Variants in ARHGEF12 observed in about 807,000 individuals in gnomAD.
ARHGEF12 encodes Rho guanine nucleotide exchange factor 12, also known as KMT2A/ARHGEF12 fusion protein.
In ARHGEF12, 66 loss-of-function variants were observed where a neutral mutation model predicts 211.2. The ratio of observed to expected loss-of-function variants is 0.31; its 90% CI spans 0.26 to 0.38. The LOEUF is 0.38. Among genes scored for constraint, ARHGEF12 ranks in the 10% least tolerant of loss-of-function variants. ARHGEF12 has a pLI of 1.00. For synonymous variants in ARHGEF12, 592 were observed against 638.4 expected, an observed-to-expected ratio of 0.93 and a Z score of 1.09; for missense variants, 1,429 against 1,869.5, an observed-to-expected ratio of 0.76 and a Z score of 4.34.
At chr11:120,432,512 T>G (rs1652217337) in intron 11 of ARHGEF12, among the ~76,000 whole-genome samples, 1 of 152,226 alleles carries the variant, frequency 6.6e-6, no homozygotes, top group African/African-American at 2.4e-5. Context: ...TACCCAGCAA[T>G]ACTTTGTAAA....
intron 22 of ARHGEF12, among the ~76,000 whole-genome samples, chr11:120,452,566 A>T (rs1157580762): frequency 6.6e-6 from 1 of 152,158 alleles, no homozygotes; most frequent in Non-Finnish European, 1.5e-5. Flanking sequence ...TGACGTCACC[A>T]AGTGTGATTT....
intron 6 of ARHGEF12, 76 bp downstream of exon 6, chr11:120,421,928 A>G (rs1439061862): frequency 8.7e-7 from 1 of 1,150,728 alleles, no homozygotes; most frequent in African/African-American, 1.6e-5. Context: ...GATTTTTTTC[A>G]CTTGGATTTT....
rs1565513343 is a variant in ARHGEF12 at position 120,477,437 on chromosome 11, T to TTTC, written c.3453-9_3453-8insTCT. On this transcript the variant is annotated splice_polypyrimidine_tract_variant and intron_variant, in intron 35 of 40. Coordinates refer to ENST00000397843, the MANE Select transcript of ARHGEF12 (RefSeq NM_015313.3). The stretch of plus-strand genomic sequence containing the variant: ...GGTAAAAGTTTTTTTTTTTTTTTTT[T>TTTC]TCTCTACAGAGGAGATAATGATGAA... The TTTC allele has an allele frequency of 1.3e-6, 2 of 1,577,088 alleles. No individual in the cohort carries two copies. The highest frequency in any genetic ancestry group is 1.7e-6 in the Non-Finnish European group (2 of 1,167,906).
At chr11:120,413,097 A>G (rs1018967848) in intron 4 of ARHGEF12, among the ~76,000 whole-genome samples, 3 of 152,242 alleles carry the variant, frequency 2.0e-5, no homozygotes, top group Admixed American at 2.0e-4. Flanking sequence ...TTCACTTGCT[A>G]AGAAAGTACA....
intron 32 of ARHGEF12, among the ~76,000 whole-genome samples, chr11:120,475,136 C>A (rs1432016541): frequency 2.0e-5 from 3 of 151,738 alleles, no homozygotes; most frequent in African/African-American, 7.3e-5. Flanking sequence ...TTTTTTATTT[C>A]CTATTGGTCA....
At chr11:120,479,930 T>C (rs1947176889) in intron 37 of ARHGEF12, 30 bp from the exon 38 acceptor site, 2 of 1,582,998 alleles carry the variant, frequency 1.3e-6, no homozygotes, top group East Asian at 2.2e-5. Context: ...TGAATATGTT[T>C]TTTTTCCCCC....
chr11:120,368,784 C>A (rs1218343855), intron 1 of ARHGEF12, among the ~76,000 whole-genome samples: 1 of 151,964 alleles, frequency 6.6e-6, no homozygotes, highest in African/African-American at 2.4e-5. Context: ...TTTGTTATAT[C>A]AGTAAACTCT....
At position 120,444,268 on chromosome 11, in the gene ARHGEF12, G is replaced by C. The variant is rs114948945; in HGVS notation, c.1303-1154G>C. Reference sequence around the variant, plus strand: ...ATATATTGAAGCATGTTTGAATTTTGCATTTCTTAAGAGGGCACCAAGCTA... The same window carrying C: ...ATATATTGAAGCATGTTTGAATTTTCCATTTCTTAAGAGGGCACCAAGCTA... On this transcript the variant is annotated intron_variant, in intron 15 of 40. Transcript: ENST00000397843. Among the ~76,000 whole-genome samples the C allele has an allele frequency of 7.1e-3, 1,078 of 152,142 alleles. 11 individuals carry two copies. Among genetic ancestry groups the C allele is most frequent in the African/African-American group, 0.025 (1,028 of 41,514 alleles).
chr11:120,436,533 A>G (rs1053997677), intron 11 of ARHGEF12, among the ~76,000 whole-genome samples: 6 of 152,158 alleles, frequency 3.9e-5, no homozygotes, highest in African/African-American at 1.4e-4. Context: ...CATATTTTAT[A>G]CAGAAGTTCT....
chr11:120,380,553 G>T (rs763958937), intron 1 of ARHGEF12, among the ~76,000 whole-genome samples: 20 of 152,114 alleles, frequency 1.3e-4, no homozygotes, highest in Non-Finnish European at 2.2e-4. Context: ...GCTGTTGCTC[G>T]GTATTAGACT....
chr11:120,419,212 G>T (rs144168225), intron 4 of ARHGEF12, among the ~76,000 whole-genome samples: 2 of 151,358 alleles, frequency 1.3e-5, no homozygotes, highest in Non-Finnish European at 2.9e-5. Context: ...CGCCCTTCTC[G>T]GCCTCCCAAA....
At chr11:120,346,240 A>G (rs1942715786) in intron 1 of ARHGEF12, among the ~76,000 whole-genome samples, 1 of 152,216 alleles carries the variant, frequency 6.6e-6, no homozygotes, top group African/African-American at 2.4e-5. Context: ...CAACACTATC[A>G]AATTTCAGTG....
At chr11:120,465,659 G>T (rs540728637) in intron 28 of ARHGEF12, among the ~76,000 whole-genome samples, 1 of 152,086 alleles carries the variant, frequency 6.6e-6, no homozygotes, top group Non-Finnish European at 1.5e-5. Context: ...GTAGAGACGG[G>T]GTTTCACCAT....
At chr11:120,449,268 C>T in intron 21 of ARHGEF12, 54 bp downstream of exon 21, 5 of 1,369,460 alleles carry the variant, frequency 3.7e-6, no homozygotes, top group Non-Finnish European at 5.1e-6. Flanking sequence ...CTCTTCACAT[C>T]AGAGGCTTCT....
At chr11:120,436,669 A>G (rs1011944175) in intron 11 of ARHGEF12, among the ~76,000 whole-genome samples, 1 of 152,220 alleles carries the variant, frequency 6.6e-6, no homozygotes. Flanking sequence ...ACAATACAGT[A>G]TAACAACTAT....
intron 34 of ARHGEF12, 83 bp downstream of exon 34, chr11:120,476,831 T>C (rs1223528167): frequency 2.6e-6 from 3 of 1,133,742 alleles, no homozygotes; most frequent in Non-Finnish European, 2.5e-6. Flanking sequence ...AACTTTGTTT[T>C]TATAATGTAT....
chr11:120,402,461 A>G (rs1199217018), intron 1 of ARHGEF12, among the ~76,000 whole-genome samples: 1 of 152,238 alleles, frequency 6.6e-6, no homozygotes, highest in Non-Finnish European at 1.5e-5. Flanking sequence ...CACTAAAATC[A>G]GAGTGTATCT....
chr11:120,423,395 T>C (rs1175560895), intron 6 of ARHGEF12, among the ~76,000 whole-genome samples: 2 of 152,178 alleles, frequency 1.3e-5, no homozygotes, highest in African/African-American at 4.8e-5. Flanking sequence ...GCAATTTTGC[T>C]TTTAGGAACT....
chr11:120,452,788 G>A (rs939639037), intron 22 of ARHGEF12, among the ~76,000 whole-genome samples: 2 of 152,068 alleles, frequency 1.3e-5, no homozygotes, highest in Non-Finnish European at 2.9e-5. Flanking sequence ...CTGAGATCAG[G>A]AGTTGGAGAG....
Sources: allele counts gnomAD v4.1 joint callset (sites outside exome capture counted in the v4.1 genomes callset), GRCh38; gene constraint gnomAD v4.1.1; transcripts MANE v1.5; gene names NCBI Gene and HGNC (gene_info 2026-07-23, HGNC 2026-07-21).